The following LPIN2 variants were observed in gnomAD, a reference collection of about 807,000 sequenced individuals.
The protein encoded by LPIN2 is phosphatidate phosphatase LPIN2.
A neutral mutation model predicts 111.4 loss-of-function variants in LPIN2; 55 were observed. The ratio of observed to expected loss-of-function variants is 0.49; its 90% CI spans 0.40 to 0.62. The LOEUF (loss-of-function observed/expected upper bound fraction) is 0.62, where lower values mean the gene tolerates loss of function less well. LPIN2 is among the 20% of genes least tolerant of loss of function. The pLI is 0.00. For missense variants in LPIN2, 992 were observed against 1,112.1 expected, an observed-to-expected ratio of 0.89 and a Z score of 1.54; for synonymous variants, 425 against 414.0, an observed-to-expected ratio of 1.03 and a Z score of -0.32.
In LPIN2 at chr18:2,954,507, T is replaced by G. The variant is rs963403695; in HGVS notation, c.285A>C (p.Glu95Asp). ...EAFFVEETEEEYEKLPAYLAT... is the reference protein window; with the variant it reads ...EAFFVEETEEDYEKLPAYLAT... ...GGTGTAACCCATGCAAACTTACATA[T>G]TCTTCTTCAGTCTCCTCAACAAAGA... is the stretch of plus-strand genomic sequence containing the variant. Residue 95 changes from glutamate (E) to aspartate (D), a missense_variant, in exon 3 of 20, where the codon GAA becomes GAC. Glu to Asp is a conservative substitution (Grantham distance 45). Around this residue, in one of 4 missense-constraint regions of LPIN2, gnomAD observed 709 missense variants for 753.2 expected, o/e 0.94. Transcript: ENST00000677752. 6.2e-7 allele frequency: 1 copy of G among 1,612,284 alleles called. No homozygotes were observed. The highest frequency in any genetic ancestry group is 1.3e-5 in the African/African-American group (1 of 75,020).
Position 2,987,239 on chromosome 18 carries a change from T to C in LPIN2, c.-10+25848A>G, listed in dbSNP as rs535769204. ...AATCTTTTCAGAAACAAATTACTTG[T>C]TATAGACTCACAATAACAGGGGTGG... On this transcript the variant is annotated intron_variant, in intron 1 of 19. Coordinates refer to ENST00000677752, the MANE Select transcript of LPIN2 (RefSeq NM_001375808.2). Among the ~76,000 whole-genome samples, 148 of 152,296 alleles carry C rather than the reference T, an allele frequency of 9.7e-4. 1 individual carries two copies. Among genetic ancestry groups the C allele is most frequent in the African/African-American group, 3.4e-3 (141 of 41,556 alleles).
intron 1 of LPIN2, among the ~76,000 whole-genome samples, chr18:2,973,752 C>G (rs2077961730): frequency 6.6e-6 from 1 of 152,162 alleles, no homozygotes; most frequent in African/African-American, 2.4e-5. Flanking sequence ...ACATAAAATT[C>G]ATTTATGTTT....
intron 8 of LPIN2, among the ~76,000 whole-genome samples, chr18:2,933,006 T>C (rs1466324694): frequency 6.6e-6 from 1 of 152,186 alleles, no homozygotes; most frequent in Non-Finnish European, 1.5e-5. Flanking sequence ...TCTACACACA[T>C]GGGGATGCCG....
chr18:2,974,040 CTAAGA>C (rs1334300315), intron 1 of LPIN2, among the ~76,000 whole-genome samples: 1 of 152,112 alleles, frequency 6.6e-6, no homozygotes, highest in Non-Finnish European at 1.5e-5. Flanking sequence ...AACGGGATTG[CTAAGA>C]TATCTTTTTA....
At chr18:2,951,878 G>A (rs681670) in intron 3 of LPIN2, among the ~76,000 whole-genome samples, 76,565 of 152,068 alleles carry the variant, frequency 0.5, 21,109 homozygotes, top group Non-Finnish European at 0.62. Context: ...TTGGAGAAAG[G>A]CAATTAGAGA....
chr18:2,938,461 T>C (rs955637675), intron 6 of LPIN2, among the ~76,000 whole-genome samples: 7 of 152,190 alleles, frequency 4.6e-5, no homozygotes, highest in Admixed American at 2.0e-4. Flanking sequence ...GAGATGGAGG[T>C]TGCAGTGAGC....
intron 8 of LPIN2, among the ~76,000 whole-genome samples, chr18:2,934,121 A>AT (rs1192993267): frequency 6.6e-6 from 1 of 152,250 alleles, no homozygotes; most frequent in African/African-American, 2.4e-5. Context: ...TTTAACTAGT[A>AT]TATCTCTCCT....
rs992905451 is a variant in LPIN2, at chr18:2,917,478, G to C, written c.*2815C>G. On this transcript the variant is annotated 3_prime_UTR_variant, in exon 20 of 20. Coordinates refer to ENST00000677752, the MANE Select transcript of LPIN2 (RefSeq NM_001375808.2). ...GCCAACTGTGGAAGGGCTGTGTGCAGGCCCCACAGTTGCAGGGGCTGTTCC... is the reference window on the plus strand; with the variant it reads ...GCCAACTGTGGAAGGGCTGTGTGCACGCCCCACAGTTGCAGGGGCTGTTCC... 2.6e-5 allele frequency: 4 copies of C among 152,234 alleles called. No homozygotes were observed. Among genetic ancestry groups the C allele is most frequent in the African/African-American group, 9.6e-5 (4 of 41,460 alleles). The allele number at this position is 152,234 out of a possible 1,614,324, so 9.4% of individuals were successfully genotyped here.
Position 2,940,694 on chromosome 18 carries a change from G to A in LPIN2, c.609C>T (p.Ser203=), listed in dbSNP as rs1426467390. 6 of 1,611,036 alleles carry A rather than the reference G, an allele frequency of 3.7e-6. No homozygotes were observed. Among genetic ancestry groups the A allele is most frequent in the Non-Finnish European group, 5.1e-6 (6 of 1,177,624 alleles). ...GCTCTTTACATTCTTCTTCTTTCAA[G>A]GAAGCATTTGAAGATCCTCTGTGAA... is the stretch of plus-strand genomic sequence containing the variant. ...AQAARGSSNA[S]LKEEECKEPL... Residue 203 remains serine (S), a synonymous_variant, in exon 5 of 20, where the codon TCC becomes TCT. Transcript: ENST00000677752.
chr18:2,948,212 AG>A (rs1279954119), intron 4 of LPIN2: 3 of 152,178 alleles, frequency 2.0e-5, no homozygotes. Context: ...GGTAACCTAA[AG>A]AAAAAGCAAA....
At chr18:2,954,434 G>T in intron 3 of LPIN2, 70 bp downstream of exon 3, 1 of 1,048,204 alleles carries the variant, frequency 9.5e-7, no homozygotes, top group Middle Eastern at 2.0e-4. Context: ...ACTGCTAAAC[G>T]GTCCGTCTGG....
chr18:2,943,792 A>G (rs1940784622), intron 4 of LPIN2, among the ~76,000 whole-genome samples: 2 of 152,224 alleles, frequency 1.3e-5, no homozygotes, highest in African/African-American at 4.8e-5. Context: ...ATGGTAGTGT[A>G]ACATCATGAG....
intron 1 of LPIN2, among the ~76,000 whole-genome samples, chr18:2,966,039 G>A (rs908221187): frequency 3.7e-4 from 56 of 152,040 alleles, no homozygotes; most frequent in African/African-American, 1.2e-3. Flanking sequence ...GGGCTCAAGC[G>A]ATGCTCCCAC....
intron 1 of LPIN2, among the ~76,000 whole-genome samples, chr18:2,968,188 A>G (rs2143269788): frequency 6.6e-6 from 1 of 152,306 alleles, no homozygotes; most frequent in South Asian, 2.1e-4. Flanking sequence ...ACGAAAACCC[A>G]GTGCCTCCCA....
intron 1 of LPIN2, among the ~76,000 whole-genome samples, chr18:2,968,915 A>G (rs2077855323): frequency 6.6e-6 from 1 of 152,186 alleles, no homozygotes; most frequent in Admixed American, 6.5e-5. Flanking sequence ...ACCACAACAA[A>G]TTCAGGCAAG....
intron 3 of LPIN2, among the ~76,000 whole-genome samples, chr18:2,952,189 G>A (rs2077546859): frequency 6.6e-6 from 1 of 152,222 alleles, no homozygotes; most frequent in Non-Finnish European, 1.5e-5. Context: ...CACTTTGGGA[G>A]GCAGAGGCAG....
rs145740705 is a variant in LPIN2, at chr18:2,943,429, C to CGTGT, written c.591-2721_591-2718dup. On this transcript the variant is annotated intron_variant, in intron 4 of 19. Transcript: ENST00000677752. ...GTAACCAGACTAAATATAAAAGCTG[C>CGTGT]GTGTGTGTGTGTGTGTGTGTGTGTG... Among the ~76,000 whole-genome samples, 604 of 142,252 alleles carry CGTGT rather than the reference C, an allele frequency of 4.2e-3. 4 individuals are homozygous for CGTGT. Among genetic ancestry groups the CGTGT allele is most frequent in the African/African-American group, 0.012 (460 of 39,642 alleles). 93.3% of individuals were successfully genotyped at this position (142,252 alleles called of 152,430 possible). A position where few individuals can be genotyped will look rare whatever the true frequency, so the allele number is the denominator to read the frequency against.
At chr18:2,993,929 T>C (rs34522218) in intron 1 of LPIN2, among the ~76,000 whole-genome samples, 124 of 152,314 alleles carry the variant, frequency 8.1e-4, no homozygotes, top group South Asian at 1.2e-3. Flanking sequence ...AACCCCTCTA[T>C]GGTTAGTCTG....
At chr18:2,979,820 G>C (rs1201054126) in intron 1 of LPIN2, among the ~76,000 whole-genome samples, 6 of 152,106 alleles carry the variant, frequency 3.9e-5, no homozygotes, top group African/African-American at 1.4e-4. Context: ...CCCCCAAACT[G>C]CCTAACCAGT....
Sources: allele counts gnomAD v4.1 joint callset (sites outside exome capture counted in the v4.1 genomes callset), GRCh38; gene constraint gnomAD v4.1.1; regional missense constraint gnomAD v4.1.1; transcripts MANE v1.5; gene names NCBI Gene and HGNC (gene_info 2026-07-23, HGNC 2026-07-21).